The following TSPAN18 variants were observed in gnomAD, a reference collection of about 807,000 sequenced individuals.
TSPAN18 encodes tetraspanin 18.
A neutral mutation model predicts 27.3 loss-of-function variants in TSPAN18; 14 were observed. The ratio of observed to expected loss-of-function variants is 0.51; its 90% CI spans 0.34 to 0.80. The LOEUF (loss-of-function observed/expected upper bound fraction) is 0.80. Among genes scored for constraint, TSPAN18 ranks in the 30% least tolerant of loss-of-function variants. The pLI is 0.01. For missense variants in TSPAN18, 268 were observed against 323.9 expected (o/e 0.83, Z 1.32); for synonymous variants, 143 against 136.5 (o/e 1.05, Z -0.33).
chr11:44,819,429 G>T (rs1484147252), intron 2 of TSPAN18, among the ~76,000 whole-genome samples: 1 of 152,176 alleles, frequency 6.6e-6, no homozygotes, highest in Non-Finnish European at 1.5e-5. Flanking sequence ...AAGGGAGGTG[G>T]ACTGTGCGCA....
At chr11:44,909,275 C>G (rs1476965843) in intron 4 of TSPAN18, among the ~76,000 whole-genome samples, 1 of 152,154 alleles carries the variant, frequency 6.6e-6, no homozygotes, top group Non-Finnish European at 1.5e-5. Context: ...AGGCTGGAGT[C>G]AGGGGGCCTG....
At position 44,879,409 on chromosome 11, in the gene TSPAN18, G is replaced by A. The variant is rs117319781; in HGVS notation, c.-11+18940G>A. On this transcript the variant is annotated intron_variant, in intron 3 of 9. Coordinates refer to ENST00000520358, the MANE Select transcript of TSPAN18 (RefSeq NM_130783.5). ...GAATAACAGAAAGAAAACATTGCTG[G>A]AGATCCTGTCCACAAAGAGGGGACA... Among the ~76,000 whole-genome samples, 4 of 152,328 alleles carry A rather than the reference G, an allele frequency of 2.6e-5. No homozygotes were observed. The East Asian group carries it at 7.7e-4, about 29-fold the overall frequency.
intron 2 of TSPAN18, among the ~76,000 whole-genome samples, chr11:44,767,431 G>A (rs1379144285): frequency 6.6e-6 from 1 of 152,202 alleles, no homozygotes; most frequent in Admixed American, 6.5e-5. Flanking sequence ...GCTCCTCATG[G>A]CATTCTCTGC....
chr11:44,754,295 C>A (rs913770940), intron 1 of TSPAN18, among the ~76,000 whole-genome samples: 3 of 152,220 alleles, frequency 2.0e-5, no homozygotes, highest in Non-Finnish European at 4.4e-5. Flanking sequence ...CGGCCTTCAG[C>A]TTCCTTGCTA....
At chr11:44,807,865 G>A (rs1288517859) in intron 2 of TSPAN18, among the ~76,000 whole-genome samples, 1 of 152,192 alleles carries the variant, frequency 6.6e-6, no homozygotes, top group Non-Finnish European at 1.5e-5. Context: ...GCTGATATGG[G>A]CTGCATGTAG....
chr11:44,757,587 G>A (rs1430000797), intron 1 of TSPAN18, among the ~76,000 whole-genome samples: 1 of 152,116 alleles, frequency 6.6e-6, no homozygotes, highest in Non-Finnish European at 1.5e-5. Context: ...GTTTTGCTAT[G>A]TTGCCCAGGT....
intron 2 of TSPAN18, among the ~76,000 whole-genome samples, chr11:44,821,701 T>A (rs1488273414): frequency 5.0e-5 from 3 of 59,640 alleles, no homozygotes; most frequent in Non-Finnish European, 8.4e-5. Flanking sequence ...CAGGGATGGT[T>A]TCTTCTTCAC....
chr11:44,786,623 CTTTTTTTTTTTT>C (rs528871558), intron 2 of TSPAN18, among the ~76,000 whole-genome samples: 1 of 98,208 alleles, frequency 1.0e-5, no homozygotes, highest in African/African-American at 4.1e-5. Context: ...TATCCACTTA[CTTTTTTTTTTTT>C]TTTTTTTTTT....
intron 1 of TSPAN18, among the ~76,000 whole-genome samples, chr11:44,746,352 A>G (rs886350442): frequency 1.3e-5 from 2 of 152,126 alleles, no homozygotes; most frequent in Admixed American, 6.5e-5. Flanking sequence ...CTGGGGTTCA[A>G]TCCTGACTCC....
At chr11:44,794,012 G>A (rs1335343905) in intron 2 of TSPAN18, among the ~76,000 whole-genome samples, 2 of 152,174 alleles carry the variant, frequency 1.3e-5, no homozygotes, top group Non-Finnish European at 2.9e-5. Flanking sequence ...CTGTCAGCGG[G>A]TGGGACTTGA....
intron 1 of TSPAN18, among the ~76,000 whole-genome samples, chr11:44,737,663 G>A (rs977202647): frequency 2.0e-5 from 3 of 152,078 alleles, no homozygotes; most frequent in Admixed American, 6.6e-5. Flanking sequence ...CATGTTAGCC[G>A]CCTTGCTTAA....
chr11:44,832,325 A>C (rs1857171124), intron 2 of TSPAN18, among the ~76,000 whole-genome samples: 1 of 151,980 alleles, frequency 6.6e-6, no homozygotes, highest in Admixed American at 6.5e-5. Context: ...TGCCTAGCCC[A>C]GTCCATGCTA....
chr11:44,930,534 T>C lies in TSPAN18; in HGVS notation c.*1356T>C, dbSNP rs1860521950. 2 of 265,550 alleles carry C rather than the reference T, an allele frequency of 7.5e-6. No individual in the cohort carries two copies. The highest frequency in any genetic ancestry group is 1.5e-5 in the Non-Finnish European group (2 of 133,596). 16.4% of individuals were successfully genotyped at this position (265,550 alleles called of 1,614,324 possible). A position where few individuals can be genotyped will look rare whatever the true frequency, so the allele number is the denominator to read the frequency against. On this transcript the variant is annotated 3_prime_UTR_variant, in exon 10 of 10. Coordinates refer to ENST00000520358, the MANE Select transcript of TSPAN18 (RefSeq NM_130783.5). ...CTGCTGCAACAAGGTTTCCTGTCTC[T>C]TCACTGTCCGCACATTTCTTAGTAT...
At chr11:44,791,964 T>G (rs1856235806) in intron 2 of TSPAN18, among the ~76,000 whole-genome samples, 1 of 152,192 alleles carries the variant, frequency 6.6e-6, no homozygotes, top group South Asian at 2.1e-4. Flanking sequence ...TACAGTGGGC[T>G]GCAGACAATG....
chr11:44,764,794 G>C (rs535441120), intron 2 of TSPAN18, among the ~76,000 whole-genome samples: 3 of 152,158 alleles, frequency 2.0e-5, no homozygotes, highest in African/African-American at 4.8e-5. Context: ...GAGCTCCTGG[G>C]GGCTCCAGGC....
At chr11:44,759,895 T>C (rs1565136790) in intron 1 of TSPAN18, among the ~76,000 whole-genome samples, 1 of 152,200 alleles carries the variant, frequency 6.6e-6, no homozygotes, top group Non-Finnish European at 1.5e-5. Context: ...CAATGACTTA[T>C]GCCTGTTGAG....
At chr11:44,858,831 G>A (rs537933925) in intron 2 of TSPAN18, among the ~76,000 whole-genome samples, 1 of 152,210 alleles carries the variant, frequency 6.6e-6, no homozygotes, top group Non-Finnish European at 1.5e-5. Context: ...TGGTGAGCCC[G>A]CAAGAATGGC....
chr11:44,731,633 T>TGTGTGTGTGTGAGAGAGAGAGA (rs139154582), intron 1 of TSPAN18, among the ~76,000 whole-genome samples: 1 of 107,384 alleles, frequency 9.3e-6, no homozygotes, highest in African/African-American at 3.5e-5. Context: ...TGTGTGTGTG[T>TGTGTGTGTGTGAGAGAGAGAGA]GAGAGAGAGA....
At chr11:44,829,211 T>C (rs1424008876) in intron 2 of TSPAN18, among the ~76,000 whole-genome samples, 1 of 152,190 alleles carries the variant, frequency 6.6e-6, no homozygotes, top group Non-Finnish European at 1.5e-5. Flanking sequence ...ATAGTTTCCA[T>C]TAGGGGTCCC....
Sources: allele counts gnomAD v4.1 joint callset (sites outside exome capture counted in the v4.1 genomes callset), GRCh38; gene constraint gnomAD v4.1.1; transcripts MANE v1.5; gene names NCBI Gene and HGNC (gene_info 2026-07-23, HGNC 2026-07-21).